Variants in KALRN observed in about 807,000 individuals in gnomAD.
The protein encoded by KALRN is kalirin RhoGEF kinase.
In KALRN, 70 loss-of-function variants were observed where a neutral mutation model predicts 353.7. The ratio of observed to expected loss-of-function variants is 0.20; its 90% CI spans 0.16 to 0.24. The LOEUF (loss-of-function observed/expected upper bound fraction) is 0.24, where lower values mean the gene tolerates loss of function less well. Ranked by LOEUF, KALRN falls within the 10% of genes least tolerant of loss-of-function variation. The pLI, the probability that KALRN is intolerant of heterozygous loss-of-function variation, is 1.00. For synonymous variants in KALRN, 1,391 were observed against 1,434.8 expected, an observed-to-expected ratio of 0.97 and a Z score of 0.69; for missense variants, 2,791 against 3,756.7, an observed-to-expected ratio of 0.74 and a Z score of 6.72.
At chr3:124,540,512 T>G (rs2068925861) in intron 33 of KALRN, among the ~76,000 whole-genome samples, 1 of 152,234 alleles carries the variant, frequency 6.6e-6, no homozygotes, top group South Asian at 2.1e-4. Flanking sequence ...TGGGTAGCCA[T>G]GCACAGGTAT....
chr3:124,467,536 AG>A (rs1453208787), intron 25 of KALRN, among the ~76,000 whole-genome samples: 1 of 152,242 alleles, frequency 6.6e-6, no homozygotes, highest in Admixed American at 6.5e-5. Flanking sequence ...TTTTACAGGC[AG>A]GGATGGCTTC....
intron 37 of KALRN, among the ~76,000 whole-genome samples, chr3:124,642,815 T>TGTTGTTGTTTTTTTTTTTTTTTG (rs1559750149): frequency 2.1e-5 from 3 of 140,364 alleles, no homozygotes; most frequent in Non-Finnish European, 4.6e-5. Context: ...CGTTTTTTTT[T>TGTTGTTGTTTTTTTTTTTTTTTG]TTTTTTTTTT....
rs1332831174 is a variant in KALRN, at chr3:124,620,100, G to GGTTTTTGTTTT, written c.5183-12315_5183-12314insTGTTTTGTTTT. On this transcript the variant is annotated intron_variant, in intron 34 of 59. Transcript: ENST00000682506. ...GCGGCTATGGTTTTTGTTTTGTTTTGGTTTTGGTTTTGGTTTTGAGACAGA... is the reference window on the plus strand; with the variant it reads ...GCGGCTATGGTTTTTGTTTTGTTTTGGTTTTTGTTTTGTTTTGGTTTTGGTTTTGAGACAGA... Among the ~76,000 whole-genome samples, 179 of 151,148 alleles carry GGTTTTTGTTTT rather than the reference G, an allele frequency of 1.2e-3. 1 individual carries two copies. The highest frequency in any genetic ancestry group is 4.2e-3 in the African/African-American group (172 of 41,158).
chr3:124,050,625 C>T (rs1210431366), intron 1 of KALRN, among the ~76,000 whole-genome samples: 1 of 152,092 alleles, frequency 6.6e-6, no homozygotes, highest in African/African-American at 2.4e-5. Flanking sequence ...AGCCTGAGAC[C>T]CTGGTATCCG....
intron 13 of KALRN, among the ~76,000 whole-genome samples, chr3:124,401,594 C>A (rs1363002240): frequency 6.6e-6 from 1 of 152,166 alleles, no homozygotes; most frequent in Non-Finnish European, 1.5e-5. Context: ...ACCCTAAGTA[C>A]TGGACAACCT....
chr3:124,698,777 C>T (rs560596874), intron 55 of KALRN, among the ~76,000 whole-genome samples: 11 of 152,170 alleles, frequency 7.2e-5, no homozygotes, highest in Admixed American at 1.3e-4. Flanking sequence ...TTAATTGTGC[C>T]GTTTAAAATT....
chr3:124,090,114 G>C (rs1473379828), intron 1 of KALRN, among the ~76,000 whole-genome samples: 1 of 152,094 alleles, frequency 6.6e-6, no homozygotes, highest in African/African-American at 2.4e-5. Flanking sequence ...TGGGCAGTGG[G>C]GGGTACTGGG....
At chr3:124,441,924 T>C (rs1167978815) in intron 18 of KALRN, 21 bp from the exon 19 acceptor site, 8 of 1,508,538 alleles carry the variant, frequency 5.3e-6, no homozygotes, top group Non-Finnish European at 5.4e-6. Flanking sequence ...GACAGGGGCC[T>C]CACAGCTTTG....
At chr3:124,519,064 A>G (rs1469567432) in intron 33 of KALRN, 1 of 985,762 alleles carries the variant, frequency 1.0e-6, no homozygotes, top group Non-Finnish European at 1.2e-6. Flanking sequence ...CAATTTTTCT[A>G]TTTGCTTCAG....
chr3:124,573,622 A>T (rs2073788052), intron 34 of KALRN, among the ~76,000 whole-genome samples: 1 of 152,040 alleles, frequency 6.6e-6, no homozygotes, highest in South Asian at 2.1e-4. Context: ...CTGCCTCAGC[A>T]ACCCCCAAGT....
At chr3:124,083,313 A>G (rs1455174887) in intron 1 of KALRN, among the ~76,000 whole-genome samples, 5 of 152,150 alleles carry the variant, frequency 3.3e-5, no homozygotes, top group African/African-American at 1.2e-4. Context: ...TGGTGTTGAA[A>G]AAGTACAAGA....
rs766462733 is a variant in KALRN at position 124,637,350 on chromosome 3, A to T, written c.5664+47A>T. 1.1e-5 allele frequency: 15 copies of T among 1,343,246 alleles called. No homozygotes were observed. In the Admixed American group the frequency reaches 2.2e-4, roughly 20 times the overall value. 83.2% of individuals were successfully genotyped at this position (1,343,246 alleles called of 1,614,324 possible). The stretch of plus-strand genomic sequence containing the variant: ...AGTTCTGTGTGTGTCTCACCTTCAC[A>T]CTGCTCCAGGCTTGCATCTGTCTGC... On this transcript the variant is annotated intron_variant, in intron 37 of 59. Coordinates refer to ENST00000682506, the MANE Select transcript of KALRN (RefSeq NM_001388419.1).
At chr3:124,573,931 A>G (rs905045178) in intron 34 of KALRN, among the ~76,000 whole-genome samples, 2 of 152,232 alleles carry the variant, frequency 1.3e-5, no homozygotes, top group African/African-American at 4.8e-5. Flanking sequence ...TCCATGACCT[A>G]TTCTCTGTCA....
At chr3:124,081,788 AAAAC>A (rs772708747) in intron 1 of KALRN, among the ~76,000 whole-genome samples, 64 of 152,204 alleles carry the variant, frequency 4.2e-4, no homozygotes, top group Non-Finnish European at 6.3e-4. Flanking sequence ...AACAACTTCA[AAAAC>A]AAACAAACAA....
chr3:124,604,350 A>C (rs2077108396), intron 34 of KALRN, among the ~76,000 whole-genome samples: 1 of 152,004 alleles, frequency 6.6e-6, no homozygotes, highest in South Asian at 2.1e-4. Flanking sequence ...GAGGATGTGG[A>C]AGTTATGCAT....
At chr3:124,505,500 G>A (rs959498693) in intron 33 of KALRN, among the ~76,000 whole-genome samples, 3 of 152,130 alleles carry the variant, frequency 2.0e-5, no homozygotes, top group Non-Finnish European at 4.4e-5. Context: ...CAGGCATGGT[G>A]GCACATGCCT....
At chr3:124,369,086 C>T (rs1028460054) in intron 10 of KALRN, among the ~76,000 whole-genome samples, 79 of 152,162 alleles carry the variant, frequency 5.2e-4, no homozygotes, top group Admixed American at 2.7e-3. Context: ...AGGGAGAGGA[C>T]ACTCTTTTGT....
At chr3:124,180,262 C>T (rs2073388461) in intron 1 of KALRN, among the ~76,000 whole-genome samples, 1 of 152,178 alleles carries the variant, frequency 6.6e-6, no homozygotes, top group South Asian at 2.1e-4. Context: ...CTTTCTAGTG[C>T]TCCTGAGCAG....
chr3:124,175,424 C>T (rs1437450021), intron 1 of KALRN, among the ~76,000 whole-genome samples: 1 of 151,920 alleles, frequency 6.6e-6, no homozygotes, highest in Non-Finnish European at 1.5e-5. Context: ...GAGATGCGCG[C>T]TGCCGAGGGT....
Sources: gnomAD v4.1 joint callset for allele counts (sites outside exome capture counted in the v4.1 genomes callset) on GRCh38, gnomAD v4.1.1 for gene constraint, MANE v1.5 for transcripts, NCBI Gene and HGNC (gene_info 2026-07-23, HGNC 2026-07-21) for gene names.